The following ATG16L1 variants were observed in gnomAD, a reference collection of about 807,000 sequenced individuals.
ATG16L1 encodes autophagy-related protein 16-1.
A neutral mutation model predicts 88.5 loss-of-function variants in ATG16L1; 37 were observed. The ratio of observed to expected loss-of-function variants is 0.42; its 90% CI spans 0.32 to 0.55. ATG16L1 has a LOEUF of 0.55. Ranked by LOEUF, ATG16L1 falls within the 20% of genes least tolerant of loss-of-function variation. The pLI is 0.13. For synonymous variants in ATG16L1, 301 were observed against 281.0 expected, an observed-to-expected ratio of 1.07 and a Z score of -0.71; for missense variants, 554 against 752.8, an observed-to-expected ratio of 0.74 and a Z score of 3.09.
chr2:233,255,822 T>C (rs1302790579), intron 1 of ATG16L1, among the ~76,000 whole-genome samples: 1 of 152,242 alleles, frequency 6.6e-6, no homozygotes, highest in Non-Finnish European at 1.5e-5. Context: ...GGTAAAGTTC[T>C]CCTGTCTTAC....
chr2:233,292,634 C>T (rs894454944), intron 16 of ATG16L1, among the ~76,000 whole-genome samples, 200 bp downstream of exon 16: 4 of 152,206 alleles, frequency 2.6e-5, no homozygotes, highest in Admixed American at 6.5e-5. Context: ...ATGAACCTAA[C>T]GTGTTGTACC....
intron 2 of ATG16L1, among the ~76,000 whole-genome samples, chr2:233,262,671 C>T (rs995208545): frequency 5.3e-5 from 8 of 152,182 alleles, no homozygotes; most frequent in Admixed American, 3.9e-4. Flanking sequence ...TCCTCAATTA[C>T]GTTAAAATAG....
chr2:233,277,354 G>T (rs1278460396), intron 9 of ATG16L1: 3 of 465,366 alleles, frequency 6.4e-6, no homozygotes, highest in Non-Finnish European at 7.9e-6. Flanking sequence ...TTTTGAGAAG[G>T]TTGCACTGCA....
chr2:233,293,871 C>T (rs1699634828), intron 17 of ATG16L1, among the ~76,000 whole-genome samples: 1 of 152,208 alleles, frequency 6.6e-6, no homozygotes. Context: ...TCCTTCAGAA[C>T]CTCTCTCCCT....
intron 12 of ATG16L1, among the ~76,000 whole-genome samples, chr2:233,285,922 C>T (rs546873519): frequency 1.3e-5 from 2 of 152,270 alleles, no homozygotes; most frequent in East Asian, 3.9e-4. Context: ...TTTGTAAATG[C>T]ACCCTAGAAA....
Position 233,281,109 on chromosome 2 carries a change from A to G in ATG16L1, c.1065A>G (p.Lys355=), listed in dbSNP as rs747744106. 2.6e-5 allele frequency: 41 copies of G among 1,593,886 alleles called. No homozygotes were observed. The highest frequency in any genetic ancestry group is 3.3e-5 in the Non-Finnish European group (39 of 1,173,052). ...TAATTTTTTCTTTTTATACAGAAAA[A>G]TGTGAGTTCAAGGGTTCCCTATCTG... The part of the protein sequence containing the change: ...RVKLWEVFGE[K]CEFKGSLSGS... Residue 355 remains lysine (K), a synonymous_variant, in exon 11 of 18, where the codon AAA becomes AAG. Transcript: ENST00000392017.
At chr2:233,276,057 G>T (rs1246912325) in intron 9 of ATG16L1, 1 of 482,262 alleles carries the variant, frequency 2.1e-6, no homozygotes, top group Non-Finnish European at 4.2e-6. Context: ...GGGGTAAAAG[G>T]TTTGGTCACC....
intron 1 of ATG16L1, among the ~76,000 whole-genome samples, chr2:233,255,380 G>C (rs1224153664): frequency 6.6e-6 from 1 of 152,142 alleles, no homozygotes; most frequent in Non-Finnish European, 1.5e-5. Flanking sequence ...TCCTCTCTAA[G>C]CTCTCCCCTC....
intron 16 of ATG16L1, 119 bp from the exon 17 acceptor site, chr2:233,293,136 TG>T: frequency 1.2e-6 from 1 of 848,242 alleles, no homozygotes; most frequent in Non-Finnish European, 2.0e-6. Context: ...TTCTGAGGTC[TG>T]GGTACACAGG....
rs1699376745 is a variant in ATG16L1 at position 233,290,300 on chromosome 2, G to A, written c.1377G>A (p.Glu459=). ...GSSCNDIVCT[E]QCVMSGHFDK... is the part of the protein sequence containing the mutation. ...GTTGCAATGATATTGTCTGCACAGA[G>A]CAATGTGTAATGAGTGGACATTTTG... The change falls in exon 14 of 18, where the codon GAG becomes GAA. Residue 459 remains glutamate, a synonymous_variant. Transcript: ENST00000392017. 6.2e-7 allele frequency: 1 copy of A among 1,614,044 alleles called. No homozygotes were observed. Among genetic ancestry groups the A allele is most frequent in the African/African-American group, 1.3e-5 (1 of 74,916 alleles).
intron 2 of ATG16L1, among the ~76,000 whole-genome samples, chr2:233,257,091 G>T (rs529506912): frequency 6.7e-6 from 1 of 149,814 alleles, no homozygotes; most frequent in Non-Finnish European, 1.5e-5. Context: ...GTGCAGTGGC[G>T]CGTTCTGGGC....
Position 233,288,892 on chromosome 2 carries a change from G to C in ATG16L1, c.1204-962G>C, listed in dbSNP as rs527487018. The C allele has an allele frequency of 1.3e-5, 7 of 519,180 alleles. No homozygotes were observed. The East Asian group carries it at 3.8e-4, about 28-fold the overall frequency. 32.2% of individuals were successfully genotyped at this position (519,180 alleles called of 1,614,324 possible). On this transcript the variant is annotated intron_variant, in intron 12 of 17. Transcript: ENST00000392017. The stretch of plus-strand genomic sequence containing the variant: ...TTAGTCACAAAGGGATTTGATTGTT[G>C]GGAGTGCTGGTATCTGTGGCTATGA...
At chr2:233,281,838 T>C (rs752091113) in intron 11 of ATG16L1, among the ~76,000 whole-genome samples, 1 of 152,124 alleles carries the variant, frequency 6.6e-6, no homozygotes, top group African/African-American at 2.4e-5. Context: ...CATTCCTGGG[T>C]GGGCTGAGTG....
chr2:233,282,283 C>G (rs1698768982), intron 11 of ATG16L1, among the ~76,000 whole-genome samples: 1 of 152,096 alleles, frequency 6.6e-6, no homozygotes, highest in African/African-American at 2.4e-5. Flanking sequence ...AGGAGAGGAC[C>G]AGGCTCGACA....
chr2:233,259,306 G>A (rs2125209263), intron 2 of ATG16L1, among the ~76,000 whole-genome samples: 1 of 152,290 alleles, frequency 6.6e-6, no homozygotes, highest in East Asian at 1.9e-4. Flanking sequence ...GCAGAAAATG[G>A]TGGCGTCAGC....
At chr2:233,284,863 A>G (rs1698974427) in intron 12 of ATG16L1, among the ~76,000 whole-genome samples, 2 of 152,214 alleles carry the variant, frequency 1.3e-5, no homozygotes, top group Admixed American at 6.5e-5. Flanking sequence ...AGAGGGTTGT[A>G]TAGATTATTA....
intron 1 of ATG16L1, 42 bp downstream of exon 1, chr2:233,251,984 C>G: frequency 6.8e-7 from 1 of 1,463,456 alleles, no homozygotes; most frequent in East Asian, 2.9e-5. Flanking sequence ...GCGGGCGGGC[C>G]CCGCGGAGGC....
At chr2:233,252,113 T>C (rs1336503158) in intron 1 of ATG16L1, among the ~76,000 whole-genome samples, 171 bp downstream of exon 1, 3 of 152,224 alleles carry the variant, frequency 2.0e-5, no homozygotes, top group Admixed American at 2.0e-4. Context: ...TTTTCTAACC[T>C]GCGTTTTATC....
At chr2:233,252,966 C>T (rs2125187650) in intron 1 of ATG16L1, among the ~76,000 whole-genome samples, 1 of 152,216 alleles carries the variant, frequency 6.6e-6, no homozygotes, top group East Asian at 1.9e-4. Context: ...ATCAGTAGTT[C>T]TCAAACTTAG....
Sources: gnomAD v4.1 joint callset for allele counts (sites outside exome capture counted in the v4.1 genomes callset) on GRCh38, gnomAD v4.1.1 for gene constraint, MANE v1.5 for transcripts, NCBI Gene and HGNC (gene_info 2026-07-23, HGNC 2026-07-21) for gene names.